RIMS3: variants seen among roughly 807,000 people sequenced by gnomAD.
RIMS3 encodes regulating synaptic membrane exocytosis protein 3.
Under a neutral mutation model 29.2 loss-of-function variants are expected in RIMS3, and 15 were observed. The observed-to-expected ratio is 0.51, with a 90% CI of 0.34 to 0.79. The LOEUF (loss-of-function observed/expected upper bound fraction) is 0.79, where lower values mean the gene tolerates loss of function less well. Among genes scored for constraint, RIMS3 ranks in the 30% least tolerant of loss-of-function variants. RIMS3 has a pLI of 0.01. For synonymous variants in RIMS3, 161 were observed against 170.1 expected (o/e 0.95, Z 0.41); for missense variants, 342 against 421.4 (o/e 0.81, Z 1.65).
Position 40,626,615 on chromosome 1 carries a change from A to G in RIMS3, c.829T>C (p.Phe277Leu), listed in dbSNP as rs780576300. The change falls in exon 8 of 8, where the codon TTC (phenylalanine) becomes CTC (leucine). Residue 277 changes from phenylalanine to leucine, a missense_variant. By Grantham distance (22) the Phe-to-Leu change is conservative (BLOSUM62 0). Coordinates refer to ENST00000372684, the MANE Select transcript of RIMS3 (RefSeq NM_014747.3). ...GAGTCTGCCACTGAGGAGGTGGGGA[A>G]GAGTTTGTACCAGCCGGTGACCGCG... ...SAAVTGWYKL[F>L]PTSSVADSTL... The G allele has an allele frequency of 1.4e-5, 22 of 1,614,152 alleles. No homozygotes were observed. The African/African-American group carries it at 2.4e-4, about 18-fold the overall frequency.
chr1:40,674,043 A>G, the RIMS3 span, among the ~76,000 whole-genome samples: 1 of 152,194 alleles, frequency 6.6e-6, no homozygotes, highest in Non-Finnish European at 1.5e-5. Flanking sequence ...TGCATAAACA[A>G]TAACAGTAGC....
At chr1:40,653,051 G>C (rs771369865) in intron 1 of RIMS3, among the ~76,000 whole-genome samples, 1 of 152,190 alleles carries the variant, frequency 6.6e-6, no homozygotes, top group African/African-American at 2.4e-5. Context: ...TGAGGTCCTA[G>C]CGGAAAAAGC....
At chr1:40,680,092 T>C in the RIMS3 span, among the ~76,000 whole-genome samples, 7 of 151,702 alleles carry the variant, frequency 4.6e-5, no homozygotes, top group African/African-American at 1.7e-4. Context: ...CCCAGGAGTT[T>C]TGAGACTCGC....
chr1:40,662,572 C>T (rs1207354381), intron 1 of RIMS3, among the ~76,000 whole-genome samples: 1 of 152,200 alleles, frequency 6.6e-6, no homozygotes, highest in African/African-American at 2.4e-5. Flanking sequence ...CCTTCTGCCA[C>T]AGAGGCAAGA....
intron 1 of RIMS3, among the ~76,000 whole-genome samples, chr1:40,648,730 G>A (rs1646611236): frequency 6.6e-6 from 1 of 152,228 alleles, no homozygotes; most frequent in East Asian, 1.9e-4. Flanking sequence ...CCAGAGACTA[G>A]GAGCATCGCC....
At chr1:40,643,419 C>T (rs545690511) in intron 2 of RIMS3, among the ~76,000 whole-genome samples, 17 of 151,852 alleles carry the variant, frequency 1.1e-4, no homozygotes, top group Non-Finnish European at 1.8e-4. Context: ...AGACATGAGC[C>T]ACCGGGCCTG....
At chr1:40,668,491 C>CGGGGGGGGGGGGG (rs56114535), upstream of RIMS3, among the ~76,000 whole-genome samples, 1 of 51,584 alleles carries the variant, frequency 1.9e-5, no homozygotes, top group Non-Finnish European at 3.5e-5. Flanking sequence ...GGGTTGTGGG[C>CGGGGGGGGGGGGG]GGGGGGGGGG....
At chr1:40,628,557 G>A (rs555173637) in intron 7 of RIMS3, among the ~76,000 whole-genome samples, 1 of 152,366 alleles carries the variant, frequency 6.6e-6, no homozygotes, top group South Asian at 2.1e-4. Context: ...GGAGGAGGCA[G>A]TGGTCACATG....
rs1570165922 is a variant in RIMS3 at position 40,625,190 on chromosome 1, T to C, written c.*1327A>G. 6.6e-6 allele frequency: 1 copy of C among 152,596 alleles called. No homozygotes were observed. Among genetic ancestry groups the C allele is most frequent in the Non-Finnish European group, 1.5e-5 (1 of 68,210 alleles). 9.5% of individuals were successfully genotyped at this position (152,596 alleles called of 1,614,324 possible). A position where few individuals can be genotyped will look rare whatever the true frequency, so the allele number is the denominator to read the frequency against. On this transcript the variant is annotated 3_prime_UTR_variant, in exon 8 of 8. Transcript: ENST00000372684. ...AATCAAGTCAGGGTTTGAGTGGCTG[T>C]GAGAAGCTCCAACCAGACATGGGTG...
At chr1:40,631,799 C>T (rs901510053) in intron 5 of RIMS3, among the ~76,000 whole-genome samples, 6 of 151,946 alleles carry the variant, frequency 3.9e-5, no homozygotes, top group Admixed American at 6.5e-5. Context: ...AGTGAAACCC[C>T]GTCTCTACTA....
chr1:40,663,325 C>T (rs500789), intron 1 of RIMS3, among the ~76,000 whole-genome samples: 18,911 of 152,144 alleles, frequency 0.12, 1,288 homozygotes, highest in African/African-American at 0.15. Flanking sequence ...GGGGGGTACA[C>T]ACAGAGACCT....
At chr1:40,679,291 C>A in the RIMS3 span, among the ~76,000 whole-genome samples, 9 of 152,212 alleles carry the variant, frequency 5.9e-5, no homozygotes, top group Non-Finnish European at 7.3e-5. Flanking sequence ...TCTCCTCCCA[C>A]CATCCCCTCC....
chr1:40,652,200 C>T (rs1429201583), intron 1 of RIMS3, among the ~76,000 whole-genome samples: 1 of 152,194 alleles, frequency 6.6e-6, no homozygotes, highest in Non-Finnish European at 1.5e-5. Flanking sequence ...AATACCACTA[C>T]TCCTGGCCAA....
At chr1:40,651,275 C>T (rs1646630292) in intron 1 of RIMS3, among the ~76,000 whole-genome samples, 1 of 152,136 alleles carries the variant, frequency 6.6e-6, no homozygotes. Flanking sequence ...AGGAAGGTGG[C>T]CACGTGAAGA....
intron 1 of RIMS3, among the ~76,000 whole-genome samples, chr1:40,662,578 C>T (rs1642367821): frequency 6.6e-6 from 1 of 152,172 alleles, no homozygotes; most frequent in African/African-American, 2.4e-5. Flanking sequence ...GCCACAGAGG[C>T]AAGAGGGCCA....
intron 1 of RIMS3, among the ~76,000 whole-genome samples, chr1:40,651,640 G>C (rs981422532): frequency 1.3e-5 from 2 of 152,132 alleles, no homozygotes; most frequent in Admixed American, 1.3e-4. Flanking sequence ...CCTTGTCGTC[G>C]TCTTCACCCT....
upstream of RIMS3, among the ~76,000 whole-genome samples, chr1:40,665,984 C>T (rs1642420695): frequency 6.6e-6 from 1 of 152,190 alleles, no homozygotes; most frequent in African/African-American, 2.4e-5. Flanking sequence ...GGGGCACCTC[C>T]CAGGACCTCA....
the RIMS3 span, among the ~76,000 whole-genome samples, chr1:40,689,157 A>G: frequency 6.6e-6 from 1 of 152,214 alleles, no homozygotes; most frequent in Non-Finnish European, 1.5e-5. Context: ...GCACATCTTC[A>G]TTCTGGGACC....
Position 40,629,302 on chromosome 1 carries a change from C to T in RIMS3, c.543G>A (p.Leu181=). 1 of 1,614,152 alleles carries T rather than the reference C, an allele frequency of 6.2e-7. No individual in the cohort carries two copies. Among genetic ancestry groups the T allele is most frequent in the Non-Finnish European group, 8.5e-7 (1 of 1,180,008 alleles). The change falls in exon 6 of 8, where the codon CTG becomes CTA. Residue 181 remains leucine (L), a synonymous_variant. Coordinates refer to ENST00000372684, the MANE Select transcript of RIMS3 (RefSeq NM_014747.3). ...GGGATTTGGAGCCTGGTTTGGGGGT[C>T]AGGCCCCGAGCTTCAATCACTTCCA... ...LEVEVIEARG[L]TPKPGSKSLP...
Sources: gnomAD v4.1 joint callset for allele counts (sites outside exome capture counted in the v4.1 genomes callset) on GRCh38, gnomAD v4.1.1 for gene constraint, MANE v1.5 for transcripts, NCBI Gene and HGNC (gene_info 2026-07-23, HGNC 2026-07-21) for gene names.